Variants in QRFPR observed in about 807,000 individuals in gnomAD.
QRFPR encodes pyroglutamylated RF-amide peptide receptor.
A neutral mutation model predicts 31.3 loss-of-function variants in QRFPR; 37 were observed. The observed-to-expected ratio is 1.18, with a 90% confidence interval of 0.91 to 1.56. QRFPR has a LOEUF of 1.56. QRFPR is among the 40% of genes most tolerant of loss of function. QRFPR has a pLI of 0.00. For synonymous variants in QRFPR, 197 were observed against 192.0 expected, an observed-to-expected ratio of 1.03 and a Z score of -0.22; for missense variants, 542 against 532.5, an observed-to-expected ratio of 1.02 and a Z score of -0.18.
chr4:121,380,344 T>G lies in QRFPR; in HGVS notation c.304A>C (p.Thr102Pro). 6.2e-7 allele frequency: 1 copy of G among 1,613,716 alleles called. No homozygotes were observed. The highest frequency in any genetic ancestry group is 2.2e-5 in the East Asian group (1 of 44,842). The change falls in exon 1 of 6, where the codon ACC becomes CCC. Residue 102 changes from threonine (T) to proline (P), a missense_variant. Transcript: ENST00000394427. ...TTGTCGGAAATGTTCTGGAGCATGG[T>G]GACGGGAATGCAGAAGAAGGTGATG... ...LLITFFCIPV[T>P]MLQNISDNWL...
At chr4:121,336,960 G>A in intron 2 of QRFPR, 92 bp from the exon 3 acceptor site, 1 of 1,176,010 alleles carries the variant, frequency 8.5e-7, no homozygotes, top group South Asian at 1.2e-5. Flanking sequence ...CCTATGAGAG[G>A]GCAGCTGTTC....
intron 1 of QRFPR, among the ~76,000 whole-genome samples, chr4:121,365,499 TAATATATATA>T (rs1726076367): frequency 1.2e-3 from 2 of 1,610 alleles, no homozygotes; most frequent in African/African-American, 3.5e-3. Context: ...ATTATATATA[TAATATATATA>T]ATATATATTA....
chr4:121,347,486 A>G (rs1725677041), intron 1 of QRFPR, among the ~76,000 whole-genome samples: 2 of 152,104 alleles, frequency 1.3e-5, no homozygotes, highest in Admixed American at 1.3e-4. Context: ...ATTTTCTTAC[A>G]GTTATAACAC....
chr4:121,355,434 G>A (rs1342702472), intron 1 of QRFPR, among the ~76,000 whole-genome samples: 1 of 151,834 alleles, frequency 6.6e-6, no homozygotes, highest in Admixed American at 6.6e-5. Context: ...TTTGTCTCTT[G>A]TTTTATTTGA....
At chr4:121,355,750 T>C (rs992869517) in intron 1 of QRFPR, among the ~76,000 whole-genome samples, 1 of 152,074 alleles carries the variant, frequency 6.6e-6, no homozygotes, top group African/African-American at 2.4e-5. Flanking sequence ...GGTTTTGGTA[T>C]GTTGTGTTTC....
At position 121,329,294 on chromosome 4, in the gene QRFPR, T is replaced by C; in HGVS notation, c.*20A>G. On this transcript the variant is annotated 3_prime_UTR_variant, in exon 6 of 6. Transcript: ENST00000394427. Reference sequence around the variant, plus strand: ...TGGGTTACAATCTGAAGGGCATTAATTATGAAGATATTGTTATAATTAATG... The same window carrying C: ...TGGGTTACAATCTGAAGGGCATTAACTATGAAGATATTGTTATAATTAATG... 1.3e-6 allele frequency: 2 copies of C among 1,558,828 alleles called. No individual in the cohort carries two copies. Among genetic ancestry groups the C allele is most frequent in the Non-Finnish European group, 1.7e-6 (2 of 1,148,254 alleles).
chr4:121,376,444 G>T (rs531204569), intron 1 of QRFPR, among the ~76,000 whole-genome samples: 1 of 152,108 alleles, frequency 6.6e-6, no homozygotes, highest in East Asian at 1.9e-4. Context: ...GCTACACTTT[G>T]CCTCACCTAT....
intron 1 of QRFPR, among the ~76,000 whole-genome samples, chr4:121,360,210 C>T (rs1464327063): frequency 6.6e-6 from 1 of 152,184 alleles, no homozygotes; most frequent in African/African-American, 2.4e-5. Flanking sequence ...TCTGCTCTGT[C>T]ACCACTTACA....
chr4:121,374,753 AT>A (rs1726319137), intron 1 of QRFPR, among the ~76,000 whole-genome samples: 1 of 152,182 alleles, frequency 6.6e-6, no homozygotes, highest in South Asian at 2.1e-4. Context: ...GAGAAAATTA[AT>A]TTTCTGTGTT....
rs1178782225 is a variant in QRFPR, at chr4:121,380,336, G to T, written c.312C>A (p.Leu104=). Residue 104 remains leucine (L), a synonymous_variant, in exon 1 of 6, where the codon CTC becomes CTA. Coordinates refer to ENST00000394427, the MANE Select transcript of QRFPR (RefSeq NM_198179.3). The part of the protein sequence containing the change: ...ITFFCIPVTM[L]QNISDNWLGG... The stretch of plus-strand genomic sequence containing the variant: ...CCAGCCAGTTGTCGGAAATGTTCTG[G>T]AGCATGGTGACGGGAATGCAGAAGA... The T allele has an allele frequency of 6.2e-7, 1 of 1,613,960 alleles. No individual in the cohort carries two copies. The highest frequency in any genetic ancestry group is 2.2e-5 in the East Asian group (1 of 44,876).
rs138344431 is a variant in QRFPR, at chr4:121,328,805, G to C, written c.*509C>G. On this transcript the variant is annotated 3_prime_UTR_variant, in exon 6 of 6. Coordinates refer to ENST00000394427, the MANE Select transcript of QRFPR (RefSeq NM_198179.3). ...GAGTCTCGCTCTTTCGCCCAGGCTG[G>C]AGTGCAGTGGCATGATCTCGGATCA... Among the ~76,000 whole-genome samples the C allele has an allele frequency of 0.026, 3,932 of 152,220 alleles. 110 individuals carry two copies. The highest frequency in any genetic ancestry group is 0.16 in the East Asian group (817 of 5,148).
intron 1 of QRFPR, among the ~76,000 whole-genome samples, chr4:121,378,575 G>C (rs907224056): frequency 1.3e-5 from 2 of 151,876 alleles, no homozygotes; most frequent in Non-Finnish European, 2.9e-5. Context: ...CACGATGCCC[G>C]GCTAATTTTT....
At chr4:121,353,490 A>G (rs183844164) in intron 1 of QRFPR, among the ~76,000 whole-genome samples, 5 of 152,024 alleles carry the variant, frequency 3.3e-5, no homozygotes, top group African/African-American at 1.2e-4. Flanking sequence ...TTTTTTTCAT[A>G]TAACTGTTGG....
At chr4:121,331,363 T>C (rs1283333480) in intron 4 of QRFPR, among the ~76,000 whole-genome samples, 1 of 151,308 alleles carries the variant, frequency 6.6e-6, no homozygotes, top group East Asian at 2.0e-4. Flanking sequence ...TTTAAATTTT[T>C]TGTAGAGACG....
chr4:121,351,836 A>G (rs1725765933), intron 1 of QRFPR, among the ~76,000 whole-genome samples: 1 of 118,612 alleles, frequency 8.4e-6, no homozygotes, highest in African/African-American at 2.8e-5. Flanking sequence ...GTTAGTATAA[A>G]GTAATGTAAA....
At position 121,380,566 on chromosome 4, in the gene QRFPR, G is replaced by A. The variant is rs1726472334; in HGVS notation, c.82C>T (p.Leu28=). 1 of 1,608,958 alleles carries A rather than the reference G, an allele frequency of 6.2e-7. No homozygotes were observed. The highest frequency in any genetic ancestry group is 1.3e-5 in the African/African-American group (1 of 74,148). ...TAGACGAGCGGTCGCAGCCGGTACAGAGCGATGAACTGCTCCCGCGTCAGG... is the reference window on the plus strand; with the variant it reads ...TAGACGAGCGGTCGCAGCCGGTACAAAGCGATGAACTGCTCCCGCGTCAGG... ...HNLTREQFIA[L]YRLRPLVYTP... is the part of the protein sequence containing the mutation. Residue 28 remains leucine (L), a synonymous_variant, in exon 1 of 6, where the codon CTG becomes TTG. Coordinates refer to ENST00000394427, the MANE Select transcript of QRFPR (RefSeq NM_198179.3).
Position 121,380,681 on chromosome 4 carries a change from C to A in QRFPR, c.-34G>T, listed in dbSNP as rs1334876662. ...GCTCCCGGGACGCGGGGCCACCGCC[C>A]GCTACTGGCTGGCCATCCGCATCTG... On this transcript the variant is annotated 5_prime_UTR_variant, in exon 1 of 6. Coordinates refer to ENST00000394427, the MANE Select transcript of QRFPR (RefSeq NM_198179.3). 1.4e-6 allele frequency: 2 copies of A among 1,468,212 alleles called. No individual in the cohort carries two copies. Among genetic ancestry groups the A allele is most frequent in the Middle Eastern group, 2.4e-4 (1 of 4,178 alleles). The allele number at this position is 1,468,212 out of a possible 1,614,324, so 90.9% of individuals were successfully genotyped here.
At chr4:121,331,804 G>A (rs1361705643) in intron 4 of QRFPR, among the ~76,000 whole-genome samples, 1 of 151,588 alleles carries the variant, frequency 6.6e-6, no homozygotes, top group Non-Finnish European at 1.5e-5. Flanking sequence ...AGGCACCCAC[G>A]ACCACGCCTG....
intron 2 of QRFPR, among the ~76,000 whole-genome samples, chr4:121,339,500 A>G (rs1725498450): frequency 6.6e-6 from 1 of 152,188 alleles, no homozygotes; most frequent in Non-Finnish European, 1.5e-5. Flanking sequence ...AAGTGGGTGG[A>G]ATGTGCCTTT....
Sources: allele counts gnomAD v4.1 joint callset (sites outside exome capture counted in the v4.1 genomes callset), GRCh38; gene constraint gnomAD v4.1.1; transcripts MANE v1.5; gene names NCBI Gene and HGNC (gene_info 2026-07-23, HGNC 2026-07-21).